Variants in GFRA2 observed in about 807,000 individuals in gnomAD.
GFRA2 encodes GDNF family receptor alpha-2.
A neutral mutation model predicts 48.3 loss-of-function variants in GFRA2; 17 were observed. The ratio of observed to expected loss-of-function variants is 0.35; its 90% CI spans 0.24 to 0.53. GFRA2 has a LOEUF of 0.53. GFRA2 is among the 20% of genes least tolerant of loss of function. GFRA2 has a pLI of 0.93. For missense variants in GFRA2, 660 were observed against 637.3 expected (o/e 1.04, Z -0.38); for synonymous variants, 305 against 257.2 (o/e 1.19, Z -1.78).
chr8:21,762,560 A>C (rs997343118), intron 3 of GFRA2, among the ~76,000 whole-genome samples: 2 of 152,210 alleles, frequency 1.3e-5, no homozygotes, highest in African/African-American at 4.8e-5. Flanking sequence ...AACCCGCCAA[A>C]AATCAATTTG....
intron 4 of GFRA2, among the ~76,000 whole-genome samples, chr8:21,746,258 A>G (rs925297913): frequency 6.6e-6 from 1 of 152,066 alleles, no homozygotes; most frequent in African/African-American, 2.4e-5. Flanking sequence ...GCATGTCTCA[A>G]TGCACCCCGC....
chr8:21,771,104 G>A (rs1208875203), intron 3 of GFRA2, among the ~76,000 whole-genome samples: 1 of 152,094 alleles, frequency 6.6e-6, no homozygotes. Flanking sequence ...CGTGGGCACT[G>A]TGCCAACATC....
At chr8:21,761,567 C>T (rs1805912076) in intron 3 of GFRA2, among the ~76,000 whole-genome samples, 2 of 152,192 alleles carry the variant, frequency 1.3e-5, no homozygotes. Context: ...ACACAGAGGA[C>T]TATGCTAAGA....
chr8:21,713,527 C>T (rs1803178321), intron 4 of GFRA2, among the ~76,000 whole-genome samples: 2 of 151,910 alleles, frequency 1.3e-5, no homozygotes, highest in African/African-American at 4.8e-5. Flanking sequence ...ACATAAGCCT[C>T]CAGCAAAGGG....
chr8:21,703,292 G>A (rs977641158), intron 6 of GFRA2, among the ~76,000 whole-genome samples: 3 of 152,130 alleles, frequency 2.0e-5, no homozygotes, highest in Admixed American at 6.5e-5. Flanking sequence ...GCCTAGGGGA[G>A]GAGGGGGCCA....
chr8:21,740,601 G>C (rs1421812405), intron 4 of GFRA2, among the ~76,000 whole-genome samples: 1 of 152,134 alleles, frequency 6.6e-6, no homozygotes, highest in Non-Finnish European at 1.5e-5. Context: ...GCACTGACAG[G>C]GTGCCAGGCA....
chr8:21,808,550 G>A (rs1463348918), intron 1 of GFRA2, among the ~76,000 whole-genome samples: 2 of 152,196 alleles, frequency 1.3e-5, no homozygotes, highest in African/African-American at 4.8e-5. Flanking sequence ...TGTAGGACGG[G>A]ACTTGGTCAT....
chr8:21,702,451 G>A (rs779633139), intron 7 of GFRA2, among the ~76,000 whole-genome samples: 3 of 152,146 alleles, frequency 2.0e-5, no homozygotes, highest in Non-Finnish European at 4.4e-5. Flanking sequence ...CTGTGGAGGT[G>A]CACTGTTGAC....
intron 3 of GFRA2, chr8:21,769,370 T>C (rs1806335755): frequency 6.5e-6 from 1 of 153,664 alleles, no homozygotes; most frequent in African/African-American, 2.4e-5. Flanking sequence ...ACCTCACAAT[T>C]GCTTAGCACC....
At chr8:21,758,306 C>T (rs933114160) in intron 3 of GFRA2, among the ~76,000 whole-genome samples, 2 of 152,104 alleles carry the variant, frequency 1.3e-5, no homozygotes, top group East Asian at 3.9e-4. Flanking sequence ...CTAGGCACGC[C>T]CTTCAACTGT....
chr8:21,720,337 C>A (rs959012168), intron 4 of GFRA2, among the ~76,000 whole-genome samples: 1 of 152,182 alleles, frequency 6.6e-6, no homozygotes, highest in African/African-American at 2.4e-5. Flanking sequence ...AGGGTATAGC[C>A]TAGGCCAACT....
At chr8:21,756,035 G>T (rs375920183) in intron 3 of GFRA2, among the ~76,000 whole-genome samples, 1 of 152,194 alleles carries the variant, frequency 6.6e-6, no homozygotes, top group Non-Finnish European at 1.5e-5. Context: ...GGAGTGGAGC[G>T]GCCGGGGGCC....
At chr8:21,783,773 C>A (rs1181911335) in intron 1 of GFRA2, among the ~76,000 whole-genome samples, 1 of 151,888 alleles carries the variant, frequency 6.6e-6, no homozygotes, top group Non-Finnish European at 1.5e-5. Flanking sequence ...GCCCCCCGCG[C>A]CCCCTGCTCT....
At chr8:21,771,220 G>C (rs1357729121) in intron 3 of GFRA2, among the ~76,000 whole-genome samples, 1 of 152,126 alleles carries the variant, frequency 6.6e-6, no homozygotes, top group Admixed American at 6.5e-5. Context: ...CCCCTAAAAA[G>C]CCGAGTCAGG....
At chr8:21,808,590 A>G (rs1807914132) in intron 1 of GFRA2, among the ~76,000 whole-genome samples, 1 of 152,234 alleles carries the variant, frequency 6.6e-6, no homozygotes, top group African/African-American at 2.4e-5. Flanking sequence ...CCTCCAGCGC[A>G]GGTCCAGGCA....
intron 4 of GFRA2, among the ~76,000 whole-genome samples, chr8:21,735,284 T>C (rs951508972): frequency 2.6e-5 from 4 of 152,320 alleles, no homozygotes; most frequent in South Asian, 2.1e-4. Flanking sequence ...GGCACAACGA[T>C]GTCTTCCAAG....
Position 21,799,367 on chromosome 8 carries a change from G to A in GFRA2, c.-36+5650C>T, listed in dbSNP as rs375967757. 3.9e-4 allele frequency among the ~76,000 whole-genome samples: 60 copies of A among 152,092 alleles called. No individual in the cohort carries two copies. In the South Asian group the frequency reaches 8.5e-3, roughly 22 times the overall value. On this transcript the variant is annotated intron_variant, in intron 2 of 10. Transcript: ENST00000517328. ...TGAGTAGCTGGGACTACAGGTGCCCGCCACCACACCCAGCTAAATTTTTTG... is the reference window on the plus strand; with the variant it reads ...TGAGTAGCTGGGACTACAGGTGCCCACCACCACACCCAGCTAAATTTTTTG...
At chr8:21,786,463 C>G (rs1234472265) in intron 1 of GFRA2, among the ~76,000 whole-genome samples, 1 of 152,224 alleles carries the variant, frequency 6.6e-6, no homozygotes, top group African/African-American at 2.4e-5. Flanking sequence ...TGCTTGGACC[C>G]AGAAGGCTGG....
chr8:21,756,137 G>C (rs987971696), intron 3 of GFRA2, among the ~76,000 whole-genome samples: 2 of 152,184 alleles, frequency 1.3e-5, no homozygotes, highest in Non-Finnish European at 2.9e-5. Context: ...GCTGCCCCCA[G>C]GTTCCCCAGG....
Sources: gnomAD v4.1 joint callset for allele counts (sites outside exome capture counted in the v4.1 genomes callset) on GRCh38, gnomAD v4.1.1 for gene constraint, MANE v1.5 for transcripts, NCBI Gene and HGNC (gene_info 2026-07-23, HGNC 2026-07-21) for gene names.